TARBP1: variants seen among roughly 807,000 people sequenced by gnomAD.
TARBP1 encodes the protein tRNA guanosine 2 -O-methyltransferase TARBP1.
A neutral mutation model predicts 178.6 loss-of-function variants in TARBP1; 144 were observed. The observed-to-expected ratio is 0.81, with a 90% CI of 0.70 to 0.93. TARBP1 has a LOEUF of 0.93. Ranked by LOEUF, TARBP1 falls within the 40% of genes least tolerant of loss-of-function variation. The pLI is 0.00. For synonymous variants in TARBP1, 787 were observed against 781.0 expected (o/e 1.01, Z -0.13); for missense variants, 2,067 against 2,011.7 (o/e 1.03, Z -0.53).
chr1:234,478,514 G>A lies in TARBP1; in HGVS notation c.590C>T (p.Pro197Leu). 1.4e-6 allele frequency: 2 copies of A among 1,383,990 alleles called. No homozygotes were observed. Among genetic ancestry groups the A allele is most frequent in the Non-Finnish European group, 1.9e-6 (2 of 1,065,658 alleles). 85.7% of individuals were successfully genotyped at this position (1,383,990 alleles called of 1,614,324 possible). A position where few individuals can be genotyped will look rare whatever the true frequency, so the allele number is the denominator to read the frequency against. Residue 197 changes from proline (P) to leucine (L), a missense_variant, in exon 1 of 30, where the codon CCA becomes CTA. Physicochemically the swap from Pro to Leu is moderately conservative, Grantham distance 98. Coordinates refer to ENST00000040877, the MANE Select transcript of TARBP1 (RefSeq NM_005646.4). ...CGCCCCGCCACATTGGACCAGCACT[G>A]GCAGCAGTCGCCCGGCCACCAGCGC... The part of the protein sequence containing the change: ...AAALVAGRLL[P>L]VLVQCGGAAL...
intron 2 of TARBP1, 71 bp from the exon 3 acceptor site, chr1:234,471,328 CTTTA>C: frequency 1.0e-6 from 1 of 983,000 alleles, no homozygotes; most frequent in Non-Finnish European, 1.6e-6. Context: ...ATTTTCATCT[CTTTA>C]TTTCACAGTA....
chr1:234,414,551 G>A (rs754037710), intron 22 of TARBP1, among the ~76,000 whole-genome samples: 15 of 152,190 alleles, frequency 9.9e-5, no homozygotes, highest in South Asian at 2.1e-4. Flanking sequence ...TCAGCAGCAT[G>A]CATGTGGCTG....
chr1:234,435,588 T>C lies in TARBP1; in HGVS notation c.2232+1687A>G, dbSNP rs536044822. On this transcript the variant is annotated intron_variant, in intron 13 of 29. Coordinates refer to ENST00000040877, the MANE Select transcript of TARBP1 (RefSeq NM_005646.4). ...AAAACACAAGAAAGAAGACAATCAA[T>C]AGTGTAAAGTGCTTAAGAAAATAGA... Among the ~76,000 whole-genome samples, 50 of 152,282 alleles carry C rather than the reference T, an allele frequency of 3.3e-4. 2 individuals are homozygous for C. In the South Asian group the frequency reaches 0.01, roughly 31 times the overall value.
At position 234,479,018 on chromosome 1, in the gene TARBP1, G is replaced by C; in HGVS notation, c.86C>G (p.Ser29Cys). Residue 29 changes from serine to cysteine, a missense_variant, in exon 1 of 30, where the codon TCC becomes TGC. Transcript: ENST00000040877. The part of the protein sequence containing the change: ...LLGALCQGEA[S>C]AERVETLRFL... ...GCGCAGCGTCTCCACGCGCTCCGCG[G>C]ATGCCTCCCCTTGGCACAGCGCCCC... is the stretch of plus-strand genomic sequence containing the variant. The C allele has an allele frequency of 6.6e-7, 1 of 1,523,448 alleles. No individual in the cohort carries two copies. The highest frequency in any genetic ancestry group is 8.7e-7 in the Non-Finnish European group (1 of 1,147,952). The allele number at this position is 1,523,448 out of a possible 1,614,324, so 94.4% of individuals were successfully genotyped here.
intron 1 of TARBP1, among the ~76,000 whole-genome samples, chr1:234,477,032 A>G (rs1382311979): frequency 1.3e-5 from 2 of 152,200 alleles, no homozygotes; most frequent in Admixed American, 6.5e-5. Flanking sequence ...TTAAAAATAC[A>G]AAATTAGTGG....
rs547037194 is a variant in TARBP1, at chr1:234,452,828, T to C, written c.1723-2262A>G. Among the ~76,000 whole-genome samples the C allele has an allele frequency of 2.0e-5, 3 of 151,752 alleles. No individual in the cohort carries two copies. The South Asian group carries it at 6.2e-4, about 31-fold the overall frequency. Reference sequence around the variant, plus strand: ...ACCAAGATGTCCTTCAGTAGGTGAATGGATAAATAAACTGTGGTACATCCA... The same window carrying C: ...ACCAAGATGTCCTTCAGTAGGTGAACGGATAAATAAACTGTGGTACATCCA... On this transcript the variant is annotated intron_variant, in intron 9 of 29. Transcript: ENST00000040877.
Position 234,393,250 on chromosome 1 carries a change from C to G in TARBP1, c.4560+112G>C, listed in dbSNP as rs193132296. On this transcript the variant is annotated intron_variant, in intron 28 of 29. Transcript: ENST00000040877. ...AGGACTAATACACAAAGATAGAGCA[C>G]TATAAAATATTTTTACAAATACAAA... 1,116 of 1,163,344 alleles carry G rather than the reference C, an allele frequency of 9.6e-4. 3 individuals carry two copies. In the African/African-American group the frequency reaches 0.016, roughly 16 times the overall value. 72.1% of individuals were successfully genotyped at this position (1,163,344 alleles called of 1,614,324 possible).
chr1:234,407,854 T>A (rs1348758941), intron 23 of TARBP1: 2 of 152,200 alleles, frequency 1.3e-5, no homozygotes, highest in Non-Finnish European at 2.9e-5. Flanking sequence ...GCTCATCTTG[T>A]ATACTTTCTG....
intron 9 of TARBP1, 117 bp from the exon 10 acceptor site, chr1:234,450,683 C>A: frequency 8.5e-7 from 1 of 1,175,242 alleles, no homozygotes; most frequent in East Asian, 2.6e-5. Flanking sequence ...TAATCGAATA[C>A]AAAGTAATAA....
chr1:234,420,715 G>A lies in TARBP1; in HGVS notation c.3542C>T (p.Pro1181Leu), dbSNP rs924389748. Reference sequence around the variant, plus strand: ...AAAATATGATACCTGGTCAAGTCTAGGGAAAAGTACCAGCAGAGTCTGCCA... The same window carrying A: ...AAAATATGATACCTGGTCAAGTCTAAGGAAAAGTACCAGCAGAGTCTGCCA... ...RVWQTLLVLF[P>L]RLDQNFLNGI... Residue 1181 changes from proline to leucine, a missense_variant, in exon 21 of 30, where the codon CCT becomes CTT. Pro to Leu is a moderately conservative substitution (Grantham distance 98). Transcript: ENST00000040877. 1 of 1,607,656 alleles carries A rather than the reference G, an allele frequency of 6.2e-7. No individual in the cohort carries two copies. The highest frequency in any genetic ancestry group is 8.5e-7 in the Non-Finnish European group (1 of 1,176,370).
chr1:234,407,162 CTGTCTTA>C (rs1258428564), intron 23 of TARBP1: 1 of 152,170 alleles, frequency 6.6e-6, no homozygotes, highest in African/African-American at 2.4e-5. Context: ...TCCACAATTC[CTGTCTTA>C]TAACTCCCAT....
chr1:234,448,173 AG>A (rs2103212400), intron 11 of TARBP1, among the ~76,000 whole-genome samples: 2 of 152,334 alleles, frequency 1.3e-5, no homozygotes, highest in Admixed American at 1.3e-4. Flanking sequence ...TCCTGACCTC[AG>A]GTGATCTGCC....
chr1:234,453,837 GACCACTGTATT>G (rs1295826274), intron 9 of TARBP1, among the ~76,000 whole-genome samples: 1 of 152,106 alleles, frequency 6.6e-6, no homozygotes, highest in Non-Finnish European at 1.5e-5. Flanking sequence ...TTCTCTCACT[GACCACTGTATT>G]ACCAACACTC....
At chr1:234,478,021 G>C (rs1410592258) in intron 1 of TARBP1, 152 bp downstream of exon 1, 1 of 726,006 alleles carries the variant, frequency 1.4e-6, no homozygotes, top group Admixed American at 3.0e-5. Flanking sequence ...GGGTTCCAAA[G>C]GTTTTCAGGC....
chr1:234,476,269 G>C (rs74863768), intron 1 of TARBP1, among the ~76,000 whole-genome samples: 2,136 of 152,268 alleles, frequency 0.014, 47 homozygotes, highest in African/African-American at 0.047. Flanking sequence ...GGAATTATCA[G>C]ACAAACAAGA....
intron 6 of TARBP1, 113 bp downstream of exon 6, chr1:234,463,724 A>G: frequency 1.8e-6 from 1 of 548,102 alleles, no homozygotes; most frequent in East Asian, 3.3e-5. Context: ...GGAAAAGGAA[A>G]CCATTTTGAA....
chr1:234,401,228 G>T lies in TARBP1; in HGVS notation c.4024C>A (p.His1342Asn), dbSNP rs769082322. 14 of 1,613,462 alleles carry T rather than the reference G, an allele frequency of 8.7e-6. No individual in the cohort carries two copies. In the African/African-American group the frequency reaches 1.5e-4, roughly 17 times the overall value. ...GGGTGAAATGTTGCAAAAAAGAAAT[G>T]CTCCTGAATGCGTTGCCAATTCTTC... is the stretch of plus-strand genomic sequence containing the variant. ...AKKNWQRIQEHFFFATFHPLK... is the reference protein window; with the variant it reads ...AKKNWQRIQENFFFATFHPLK... The change falls in exon 25 of 30, where the codon CAT becomes AAT. Residue 1342 changes from histidine (H) to asparagine (N), a missense_variant. By Grantham distance (68) the His-to-Asn change is moderately conservative. Transcript: ENST00000040877.
intron 3 of TARBP1, among the ~76,000 whole-genome samples, chr1:234,470,689 C>T (rs1437822276): frequency 1.3e-5 from 2 of 151,536 alleles, no homozygotes; most frequent in East Asian, 3.9e-4. Context: ...GATCTTGGCT[C>T]ACTGCAACCT....
chr1:234,477,442 T>G (rs1010764877), intron 1 of TARBP1, among the ~76,000 whole-genome samples: 5 of 152,244 alleles, frequency 3.3e-5, no homozygotes, highest in Non-Finnish European at 4.4e-5. Flanking sequence ...AATATTCTAT[T>G]GAGACAATTT....
Sources: allele counts gnomAD v4.1 joint callset (sites outside exome capture counted in the v4.1 genomes callset), GRCh38; gene constraint gnomAD v4.1.1; transcripts MANE v1.5; gene names NCBI Gene and HGNC (gene_info 2026-07-23, HGNC 2026-07-21).